Variants in ADARB2 observed in about 807,000 individuals in gnomAD.
The protein encoded by ADARB2 is inactive double-stranded RNA-specific editase B2.
ADARB2 carries 25 observed loss-of-function variants against 62.2 expected under a neutral mutation model. That is an observed-to-expected ratio of 0.40 (90% CI 0.29 to 0.56). The LOEUF is 0.56. ADARB2 is among the 20% of genes least tolerant of loss of function. The pLI, the probability that ADARB2 is intolerant of heterozygous loss-of-function variation, is 0.43. For missense variants in ADARB2, 1,071 were observed against 1,077.4 expected (o/e 0.99, Z 0.08); for synonymous variants, 572 against 500.8 (o/e 1.14, Z -1.90).
At chr10:1,219,233 T>G (rs1830660214) in intron 6 of ADARB2, among the ~76,000 whole-genome samples, 1 of 152,202 alleles carries the variant, frequency 6.6e-6, no homozygotes, top group Non-Finnish European at 1.5e-5. Context: ...CTTTTCTTTA[T>G]AAATTACCCA....
At chr10:1,551,935 C>T (rs1285170326) in intron 1 of ADARB2, among the ~76,000 whole-genome samples, 1 of 152,206 alleles carries the variant, frequency 6.6e-6, no homozygotes, top group African/African-American at 2.4e-5. Context: ...ACATGGAGTC[C>T]TGGCCTCAGG....
At chr10:1,264,439 A>T (rs1237820459) in intron 4 of ADARB2, among the ~76,000 whole-genome samples, 1 of 152,190 alleles carries the variant, frequency 6.6e-6, no homozygotes, top group Non-Finnish European at 1.5e-5. Flanking sequence ...TCTTTGTATG[A>T]TGGAAAGAGA....
chr10:1,317,759 G>A (rs948982795), intron 3 of ADARB2, among the ~76,000 whole-genome samples: 1 of 146,960 alleles, frequency 6.8e-6, no homozygotes, highest in African/African-American at 2.5e-5. Flanking sequence ...GCCTGGGGGG[G>A]GGTGGGTCAG....
intron 1 of ADARB2, among the ~76,000 whole-genome samples, chr10:1,683,528 G>A (rs1437665841): frequency 2.6e-5 from 4 of 152,192 alleles, no homozygotes; most frequent in Non-Finnish European, 5.9e-5. Flanking sequence ...CAAGGGGTCC[G>A]AAGCAGGGAG....
chr10:1,252,533 C>G (rs1231666061), intron 4 of ADARB2, among the ~76,000 whole-genome samples: 1 of 152,198 alleles, frequency 6.6e-6, no homozygotes, highest in Non-Finnish European at 1.5e-5. Context: ...TTTAAAGCTC[C>G]CAGTCTCCTT....
chr10:1,237,653 T>C (rs1178835853), intron 5 of ADARB2, among the ~76,000 whole-genome samples: 2 of 6,778 alleles, frequency 3.0e-4, no homozygotes, highest in Non-Finnish European at 2.6e-4. Context: ...TCCCGGTGTT[T>C]ACTCCCCCCT....
chr10:1,613,081 G>T (rs1263311012), intron 1 of ADARB2, among the ~76,000 whole-genome samples: 2 of 152,192 alleles, frequency 1.3e-5, no homozygotes, highest in Admixed American at 1.3e-4. Flanking sequence ...AATTGTAAAG[G>T]CTCTGATGGA....
Position 1,217,119 on chromosome 10 carries a change from A to G in ADARB2, c.1514T>C (p.Leu505Pro), listed in dbSNP as rs1352690097. The G allele has an allele frequency of 1.2e-5, 19 of 1,586,774 alleles. No individual in the cohort carries two copies. Among genetic ancestry groups the G allele is most frequent in the Non-Finnish European group, 1.5e-5 (18 of 1,166,372 alleles). The part of the protein sequence containing the change: ...LHSPYEITTD[L>P]HSSKHLVRKF... ...CCTGACGAGGTGTTTGCTGCTGTGC[A>G]CTAGGAGATAAAAGGGCGGGGAGGG... The change falls in exon 7 of 10, where the codon CTG becomes CCG. Residue 505 changes from leucine (L) to proline (P), a missense_variant and splice_region_variant. Physicochemically the swap from Leu to Pro is moderately conservative, Grantham distance 98. Coordinates refer to ENST00000381312, the MANE Select transcript of ADARB2 (RefSeq NM_018702.4).
At chr10:1,729,854 C>T (rs1233822769) in intron 1 of ADARB2, among the ~76,000 whole-genome samples, 2 of 152,156 alleles carry the variant, frequency 1.3e-5, no homozygotes, top group East Asian at 1.9e-4. Flanking sequence ...TTTGAGAAGA[C>T]GTATTTGAGA....
intron 2 of ADARB2, among the ~76,000 whole-genome samples, chr10:1,375,851 C>T (rs1832420935): frequency 6.7e-6 from 1 of 149,854 alleles, no homozygotes; most frequent in Non-Finnish European, 1.5e-5. Flanking sequence ...CACACATGCA[C>T]ACACATGCAC....
intron 2 of ADARB2, among the ~76,000 whole-genome samples, chr10:1,374,580 G>GCGGGTGGGGCCAGGC (rs1182300778): frequency 3.9e-5 from 6 of 152,190 alleles, no homozygotes; most frequent in African/African-American, 1.2e-4. Flanking sequence ...GAGAGCATGT[G>GCGGGTGGGGCCAGGC]CGGGTGGGGC....
chr10:1,481,714 G>A (rs1277679487), intron 1 of ADARB2, among the ~76,000 whole-genome samples: 1 of 152,016 alleles, frequency 6.6e-6, no homozygotes, highest in South Asian at 2.1e-4. Context: ...AAAATTAGCT[G>A]GGTATGGGGG....
At chr10:1,291,079 AAG>A (rs1375682674) in intron 3 of ADARB2, 1 of 152,230 alleles carries the variant, frequency 6.6e-6, no homozygotes, top group East Asian at 1.9e-4. Flanking sequence ...CATCTAGAGA[AAG>A]AGATTCCCTT....
At chr10:1,298,775 A>ATTTTTTTT (rs1831547209) in intron 3 of ADARB2, among the ~76,000 whole-genome samples, 1 of 78,428 alleles carries the variant, frequency 1.3e-5, no homozygotes, top group African/African-American at 4.9e-5. Context: ...TTTTTTTTAG[A>ATTTTTTTT]TTTGCCCAGG....
chr10:1,515,560 C>G (rs577849592), intron 1 of ADARB2, among the ~76,000 whole-genome samples: 2 of 152,210 alleles, frequency 1.3e-5, no homozygotes, highest in African/African-American at 2.4e-5. Flanking sequence ...TGGGAAAACC[C>G]GCCAGCCTTG....
At chr10:1,534,788 G>T (rs1017193828) in intron 1 of ADARB2, 1 of 167,068 alleles carries the variant, frequency 6.0e-6, no homozygotes, top group African/African-American at 2.4e-5. Context: ...AGAGAGATTT[G>T]ATATCTGCTT....
chr10:1,601,690 G>C (rs927872924), intron 1 of ADARB2, among the ~76,000 whole-genome samples: 1 of 152,136 alleles, frequency 6.6e-6, no homozygotes, highest in Non-Finnish European at 1.5e-5. Flanking sequence ...TGGGAGAGAC[G>C]ATGTGCTCCT....
chr10:1,575,659 C>T (rs11250639), intron 1 of ADARB2, among the ~76,000 whole-genome samples: 6,487 of 152,294 alleles, frequency 0.043, 448 homozygotes, highest in African/African-American at 0.15. Context: ...CCTGCTCCTG[C>T]GCCTCTCTGG....
chr10:1,584,663 A>G (rs145822748), intron 1 of ADARB2, among the ~76,000 whole-genome samples: 42 of 152,374 alleles, frequency 2.8e-4, no homozygotes, highest in African/African-American at 9.4e-4. Context: ...AGCTTTATCC[A>G]TAACTGCCAA....
Sources: gnomAD v4.1 joint callset for allele counts (sites outside exome capture counted in the v4.1 genomes callset) on GRCh38, gnomAD v4.1.1 for gene constraint, MANE v1.5 for transcripts, NCBI Gene and HGNC (gene_info 2026-07-23, HGNC 2026-07-21) for gene names.